The following PDZRN4 variants were observed in gnomAD, a reference collection of about 807,000 sequenced individuals.
PDZRN4 encodes PDZ domain-containing RING finger protein 4.
In PDZRN4, 70 loss-of-function variants were observed where a neutral mutation model predicts 99.0. The observed-to-expected ratio is 0.71, with a 90% CI of 0.58 to 0.86. The LOEUF is 0.86. PDZRN4 is among the 40% of genes least tolerant of loss of function. The pLI, the probability that PDZRN4 is intolerant of heterozygous loss-of-function variation, is 0.00. For missense variants in PDZRN4, 1,474 were observed against 1,331.2 expected, an observed-to-expected ratio of 1.11 and a Z score of -1.67; for synonymous variants, 551 against 501.6, an observed-to-expected ratio of 1.10 and a Z score of -1.32.
chr12:41,467,760 T>C (rs1224487045), intron 3 of PDZRN4, among the ~76,000 whole-genome samples: 1 of 152,208 alleles, frequency 6.6e-6, no homozygotes, highest in Non-Finnish European at 1.5e-5. Flanking sequence ...TCCCAACTCA[T>C]AATGCAGAAA....
intron 3 of PDZRN4, among the ~76,000 whole-genome samples, chr12:41,281,268 G>A (rs1951384016): frequency 1.3e-5 from 2 of 151,890 alleles, no homozygotes; most frequent in South Asian, 4.2e-4. Context: ...AAAAACCAGT[G>A]CAAATAGGCT....
At chr12:41,302,408 G>A (rs984214333) in intron 3 of PDZRN4, among the ~76,000 whole-genome samples, 1 of 152,076 alleles carries the variant, frequency 6.6e-6, no homozygotes, top group African/African-American at 2.4e-5. Context: ...CAAGGGAAGG[G>A]GTGTACACCC....
chr12:41,245,480 G>C (rs1951128023), intron 3 of PDZRN4, among the ~76,000 whole-genome samples: 1 of 152,124 alleles, frequency 6.6e-6, no homozygotes, highest in Admixed American at 6.5e-5. Flanking sequence ...CCCTCTAGTA[G>C]AGTCCTATAA....
chr12:41,562,711 C>T (rs1939291664), intron 7 of PDZRN4, among the ~76,000 whole-genome samples: 1 of 151,904 alleles, frequency 6.6e-6, no homozygotes, highest in Non-Finnish European at 1.5e-5. Flanking sequence ...AGAAACTTTA[C>T]AAATCTTATT....
intron 5 of PDZRN4, 152 bp downstream of exon 5, chr12:41,510,065 G>A: frequency 4.5e-6 from 2 of 446,696 alleles, no homozygotes; most frequent in Non-Finnish European, 4.0e-6. Flanking sequence ...CTTTAGCTAT[G>A]TGGCTCTCGT....
At chr12:41,566,543 C>A (rs1939375164) in intron 8 of PDZRN4, among the ~76,000 whole-genome samples, 1 of 152,128 alleles carries the variant, frequency 6.6e-6, no homozygotes, top group Non-Finnish European at 1.5e-5. Context: ...TGAGGATGAA[C>A]AAATGTGCCA....
chr12:41,206,349 T>C (rs895406140), intron 3 of PDZRN4, among the ~76,000 whole-genome samples: 1 of 151,840 alleles, frequency 6.6e-6, no homozygotes, highest in Non-Finnish European at 1.5e-5. Flanking sequence ...AAAGACTTGG[T>C]ATTGTGTGTT....
At chr12:41,275,481 A>C (rs1025819523) in intron 3 of PDZRN4, among the ~76,000 whole-genome samples, 3 of 152,104 alleles carry the variant, frequency 2.0e-5, no homozygotes, top group African/African-American at 7.2e-5. Flanking sequence ...GGATTTTTGC[A>C]GTGGCCTGAA....
chr12:41,270,209 T>A (rs1250024006), intron 3 of PDZRN4, among the ~76,000 whole-genome samples: 1 of 151,996 alleles, frequency 6.6e-6, no homozygotes, highest in Non-Finnish European at 1.5e-5. Flanking sequence ...AACAATAGAT[T>A]TTACTCAATT....
At chr12:41,468,868 G>C (rs1952957078) in intron 3 of PDZRN4, among the ~76,000 whole-genome samples, 1 of 152,008 alleles carries the variant, frequency 6.6e-6, no homozygotes, top group African/African-American at 2.4e-5. Context: ...AATCAGTCGG[G>C]CATGATGGCT....
intron 3 of PDZRN4, among the ~76,000 whole-genome samples, chr12:41,339,572 G>A (rs1163863549): frequency 3.3e-5 from 5 of 151,862 alleles, no homozygotes; most frequent in Admixed American, 3.3e-4. Flanking sequence ...AAGCAAAATG[G>A]ACAAATGAGA....
chr12:41,495,154 A>G (rs754147827), intron 3 of PDZRN4, among the ~76,000 whole-genome samples: 2 of 151,994 alleles, frequency 1.3e-5, no homozygotes, highest in Non-Finnish European at 2.9e-5. Context: ...TGTGTGAAAA[A>G]GAGAAAGAGA....
chr12:41,437,655 CTGTGTAGTCA>C, intron 3 of PDZRN4: 1 of 821,714 alleles, frequency 1.2e-6, no homozygotes, highest in Non-Finnish European at 1.7e-6. Context: ...GAGCTGGAAT[CTGTGTAGTCA>C]TGTGCACTGA....
chr12:41,209,257 A>T (rs1950871067), intron 3 of PDZRN4, among the ~76,000 whole-genome samples: 1 of 152,032 alleles, frequency 6.6e-6, no homozygotes, highest in African/African-American at 2.4e-5. Flanking sequence ...TTAGGCACAG[A>T]TGACGACATC....
intron 5 of PDZRN4, among the ~76,000 whole-genome samples, chr12:41,542,544 T>G (rs1938875441): frequency 6.6e-6 from 1 of 152,202 alleles, no homozygotes; most frequent in Non-Finnish European, 1.5e-5. Context: ...TCCCATTCAG[T>G]GATTCTGCCA....
intron 9 of PDZRN4, among the ~76,000 whole-genome samples, chr12:41,569,963 G>A (rs185453473): frequency 6.6e-6 from 1 of 152,146 alleles, no homozygotes; most frequent in East Asian, 1.9e-4. Context: ...TTACAAGCAA[G>A]AAAGTCCTTG....
chr12:41,395,316 A>G (rs1952238974), intron 3 of PDZRN4, among the ~76,000 whole-genome samples: 1 of 152,204 alleles, frequency 6.6e-6, no homozygotes, highest in Non-Finnish European at 1.5e-5. Context: ...ATTGATATAG[A>G]CATTCCTGTT....
intron 5 of PDZRN4, among the ~76,000 whole-genome samples, chr12:41,538,655 G>A (rs563434583): frequency 5.8e-4 from 88 of 151,476 alleles, no homozygotes; most frequent in African/African-American, 1.9e-3. Flanking sequence ...TATAATTGTT[G>A]GGCAAAAAAA....
At chr12:41,489,189 G>T (rs1041229794) in intron 3 of PDZRN4, among the ~76,000 whole-genome samples, 2 of 152,096 alleles carry the variant, frequency 1.3e-5, no homozygotes, top group African/African-American at 4.8e-5. Flanking sequence ...GAAGCCAAAA[G>T]GTTGGACACC....
Sources: allele counts gnomAD v4.1 joint callset (sites outside exome capture counted in the v4.1 genomes callset), GRCh38; gene constraint gnomAD v4.1.1; transcripts MANE v1.5; gene names NCBI Gene and HGNC (gene_info 2026-07-23, HGNC 2026-07-21).